ANO3: variants seen among roughly 807,000 people sequenced by gnomAD.
ANO3 encodes the protein anoctamin 3, also known as anoctamin-3.
A neutral mutation model predicts 144.8 loss-of-function variants in ANO3; 99 were observed. The observed-to-expected ratio is 0.68, with a 90% CI of 0.58 to 0.81. The LOEUF (loss-of-function observed/expected upper bound fraction) is 0.81. Ranked by LOEUF, ANO3 falls within the 30% of genes least tolerant of loss-of-function variation. The pLI, the probability that ANO3 is intolerant of heterozygous loss-of-function variation, is 0.00. For missense variants in ANO3, 905 were observed against 1,202.2 expected (o/e 0.75, Z 3.66); for synonymous variants, 414 against 392.6 (o/e 1.05, Z -0.64).
At chr11:26,306,032 C>T (rs1366553537), upstream of ANO3, among the ~76,000 whole-genome samples, 1 of 152,082 alleles carries the variant, frequency 6.6e-6, no homozygotes, top group Non-Finnish European at 1.5e-5. Context: ...GATCTCGGCT[C>T]ACTGCAAGCT....
At chr11:26,501,353 T>A (rs1254550586) in intron 4 of ANO3, among the ~76,000 whole-genome samples, 1 of 152,116 alleles carries the variant, frequency 6.6e-6, no homozygotes, top group Non-Finnish European at 1.5e-5. Flanking sequence ...ATTCTTTAAA[T>A]CCAATAAAAA....
chr11:26,497,561 A>G (rs1861015943), intron 4 of ANO3, among the ~76,000 whole-genome samples: 1 of 152,048 alleles, frequency 6.6e-6, no homozygotes, highest in African/African-American at 2.4e-5. Context: ...GATCCAAATA[A>G]CCAGAAATAG....
Position 26,581,990 on chromosome 11 carries a change from A to G in ANO3, c.1448-16375A>G, listed in dbSNP as rs569066472. 5.3e-5 allele frequency among the ~76,000 whole-genome samples: 8 copies of G among 152,286 alleles called. No homozygotes were observed. In the East Asian group the frequency reaches 1.5e-3, roughly 29 times the overall value. ...GTGGATTAAGCATAGACTACTTACA[A>G]ATTGTCTCTCAATTTGTACAACACT... On this transcript the variant is annotated intron_variant, in intron 14 of 26. Transcript: ENST00000256737.
At chr11:26,381,942 G>T (rs1340309987) in intron 1 of ANO3, among the ~76,000 whole-genome samples, 2 of 151,874 alleles carry the variant, frequency 1.3e-5, no homozygotes, top group Non-Finnish European at 2.9e-5. Context: ...TACCTTTGAT[G>T]TCAAAAAAAG....
chr11:26,375,644 A>G (rs1165957185), intron 1 of ANO3, among the ~76,000 whole-genome samples: 1 of 152,196 alleles, frequency 6.6e-6, no homozygotes, highest in African/African-American at 2.4e-5. Context: ...GGCAAAAAAC[A>G]TGGCATGTTT....
intron 14 of ANO3, chr11:26,567,126 G>A: frequency 7.0e-7 from 1 of 1,435,136 alleles, no homozygotes. Context: ...GCTCACAATG[G>A]CTAGTAACAG....
intron 1 of ANO3, among the ~76,000 whole-genome samples, chr11:26,233,995 G>C (rs574295650): frequency 2.8e-5 from 2 of 71,456 alleles, no homozygotes; most frequent in African/African-American, 7.2e-5. Flanking sequence ...TAATGTATGC[G>C]GGGGGCTGAA....
intron 4 of ANO3, among the ~76,000 whole-genome samples, chr11:26,497,447 A>G (rs1486933180): frequency 1.3e-5 from 2 of 152,094 alleles, no homozygotes; most frequent in East Asian, 3.8e-4. Context: ...AGGTTGTACT[A>G]ATTTACATTT....
At chr11:26,267,439 T>C (rs1008024102) in intron 1 of ANO3, among the ~76,000 whole-genome samples, 7 of 152,238 alleles carry the variant, frequency 4.6e-5, no homozygotes, top group African/African-American at 7.2e-5. Context: ...GAGATCATTG[T>C]ATTTTTATAT....
At chr11:26,493,109 G>T (rs1315442433) in intron 4 of ANO3, among the ~76,000 whole-genome samples, 1 of 152,078 alleles carries the variant, frequency 6.6e-6, no homozygotes, top group Admixed American at 6.6e-5. Context: ...CAGCTCTCTA[G>T]CCTTAATAAC....
chr11:26,583,005 A>G (rs995964626), intron 14 of ANO3, among the ~76,000 whole-genome samples: 6 of 152,242 alleles, frequency 3.9e-5, no homozygotes, highest in Non-Finnish European at 8.8e-5. Context: ...TAGTTTATCA[A>G]GTGTGGACAC....
chr11:26,559,834 TTA>T (rs1850212005), intron 14 of ANO3, 55 bp downstream of exon 14: 2 of 953,196 alleles, frequency 2.1e-6, no homozygotes, highest in African/African-American at 2.0e-5. Flanking sequence ...TGTTTCTGTG[TTA>T]CACACACACA....
intron 17 of ANO3, among the ~76,000 whole-genome samples, chr11:26,621,879 G>C (rs1351935070): frequency 1.3e-5 from 2 of 151,888 alleles, no homozygotes; most frequent in Non-Finnish European, 2.9e-5. Context: ...TATCAGGTAG[G>C]GCCCGGAATA....
intron 14 of ANO3, chr11:26,572,114 G>A (rs1456823265): frequency 1.0e-6 from 1 of 985,332 alleles, no homozygotes; most frequent in South Asian, 4.7e-5. Flanking sequence ...AATCTGTCGT[G>A]CATTAGAGAA....
chr11:26,650,698 C>T (rs537151714), intron 24 of ANO3, among the ~76,000 whole-genome samples: 1 of 152,238 alleles, frequency 6.6e-6, no homozygotes, highest in South Asian at 2.1e-4. Flanking sequence ...AATAAAATCT[C>T]CACTATTGAA....
chr11:26,391,292 A>G (rs923497854), intron 1 of ANO3, among the ~76,000 whole-genome samples: 6 of 152,024 alleles, frequency 3.9e-5, no homozygotes, highest in African/African-American at 1.4e-4. Context: ...CACTCTCATG[A>G]TGATTAACCT....
chr11:26,286,131 A>G (rs1011575333), intron 1 of ANO3: 1 of 152,228 alleles, frequency 6.6e-6, no homozygotes, highest in Admixed American at 6.5e-5. Context: ...TTCCATATGA[A>G]AATAAGCAGG....
chr11:26,563,154 A>G lies in ANO3; in HGVS notation c.1447+3375A>G, dbSNP rs1432455743. 1 of 1,612,424 alleles carries G rather than the reference A, an allele frequency of 6.2e-7. No homozygotes were observed. Among genetic ancestry groups the G allele is most frequent in the Non-Finnish European group, 8.5e-7 (1 of 1,178,920 alleles). ...GTCGTCATAAAGTCGCCGATGGGAA[A>G]ATGAATCCGTTTTCCTTTTTCCACA... On this transcript the variant is annotated intron_variant, in intron 14 of 26. Transcript: ENST00000256737.
intron 4 of ANO3, among the ~76,000 whole-genome samples, chr11:26,492,417 C>T (rs1201489022): frequency 6.6e-6 from 1 of 152,112 alleles, no homozygotes; most frequent in Non-Finnish European, 1.5e-5. Flanking sequence ...ATAAAACTAC[C>T]TTTGGTCAGC....
Sources: gnomAD v4.1 joint callset for allele counts (sites outside exome capture counted in the v4.1 genomes callset) on GRCh38, gnomAD v4.1.1 for gene constraint, MANE v1.5 for transcripts, NCBI Gene and HGNC (gene_info 2026-07-23, HGNC 2026-07-21) for gene names.